IGSF10: variants seen among roughly 807,000 people sequenced by gnomAD.
The protein encoded by IGSF10 is immunoglobulin superfamily member 10, also known as calvaria mechanical force protein 608.
In IGSF10, 126 loss-of-function variants were observed where a neutral mutation model predicts 128.2. The observed-to-expected ratio is 0.98, with a 90% CI of 0.85 to 1.14. IGSF10 has a LOEUF of 1.14. IGSF10 is among the 50% of genes most tolerant of loss of function. The probability of loss-of-function intolerance (pLI) is 0.00; values close to 1 mark genes in which losing one functional copy is unlikely to be tolerated. For missense variants in IGSF10, 3,295 were observed against 3,149.8 expected (o/e 1.05, Z -1.10); for synonymous variants, 1,185 against 1,146.2 (o/e 1.03, Z -0.68).
chr3:151,606,034 A>G, the IGSF10 span, among the ~76,000 whole-genome samples: 11,847 of 152,252 alleles, frequency 0.078, 629 homozygotes, highest in Middle Eastern at 0.15. Flanking sequence ...TCACTATTCT[A>G]TCTGAACCAA....
chr3:151,591,222 A>G, the IGSF10 span, among the ~76,000 whole-genome samples: 8 of 151,518 alleles, frequency 5.3e-5, no homozygotes, highest in African/African-American at 2.0e-4. Flanking sequence ...ATTTTTTTCT[A>G]TAATTTATTT....
the IGSF10 span, chr3:151,499,869 C>T: frequency 2.0e-5 from 3 of 152,110 alleles, no homozygotes; most frequent in Non-Finnish European, 4.4e-5. Flanking sequence ...TGCCATGTTA[C>T]ATGTAAAAGC....
chr3:151,465,254 G>A (rs1052830784), upstream of IGSF10, among the ~76,000 whole-genome samples: 8 of 152,174 alleles, frequency 5.3e-5, no homozygotes, highest in Non-Finnish European at 1.0e-4. Flanking sequence ...AGGAAAGCCA[G>A]GGCTGAAGTA....
the IGSF10 span, among the ~76,000 whole-genome samples, chr3:151,596,473 T>G: frequency 0.55 from 82,374 of 148,618 alleles, 22,504 homozygotes; most frequent in South Asian, 0.66. Flanking sequence ...GATATTATGG[T>G]GTTTATGTGT....
At position 151,446,134 on chromosome 3, in the gene IGSF10, G is replaced by A; in HGVS notation, c.3847C>T (p.Leu1283Phe). ...AAGGGAAGCTCCTTCTTTGTTGGAA[G>A]ACTTCCAGGATTGTGTGTTTTGGTC... is the stretch of plus-strand genomic sequence containing the variant. ...TTTKTHNPGS[L>F]PTKKELPFPP... Residue 1283 changes from leucine to phenylalanine, a missense_variant, in exon 6 of 8, where the codon CTT becomes TTT. Coordinates refer to ENST00000282466, the MANE Select transcript of IGSF10 (RefSeq NM_178822.5). 5 of 1,614,170 alleles carry A rather than the reference G, an allele frequency of 3.1e-6. No individual in the cohort carries two copies. The highest frequency in any genetic ancestry group is 4.2e-6 in the Non-Finnish European group (5 of 1,180,032).
Position 151,448,822 on chromosome 3 carries a change from T to C in IGSF10, c.1159A>G (p.Ile387Val), listed in dbSNP as rs764713270. ...CTAAGCAAGTGGCTCCTTTCTAGTA[T>C]CAGAGGAGAATCACTGTACAAAGCC... ...ILALYSDSPL[I>V]LERSHLLSET... Residue 387 changes from isoleucine to valine, a missense_variant, in exon 6 of 8, where the codon ATA (isoleucine) becomes GTA (valine). Physicochemically the swap from Ile to Val is conservative, Grantham distance 29 (BLOSUM62 3). Coordinates refer to ENST00000282466, the MANE Select transcript of IGSF10 (RefSeq NM_178822.5). 1.2e-6 allele frequency: 2 copies of C among 1,613,512 alleles called. No individual in the cohort carries two copies.
chr3:151,534,015 T>G, the IGSF10 span, among the ~76,000 whole-genome samples: 1 of 152,190 alleles, frequency 6.6e-6, no homozygotes, highest in Admixed American at 6.5e-5. Flanking sequence ...CAGACACTTC[T>G]CAAAAGAAGA....
the IGSF10 span, among the ~76,000 whole-genome samples, chr3:151,467,295 C>A: frequency 6.6e-6 from 1 of 152,144 alleles, no homozygotes; most frequent in Non-Finnish European, 1.5e-5. Context: ...CAAAGTAAGA[C>A]CTGATCAGCC....
At chr3:151,616,181 C>G in the IGSF10 span, among the ~76,000 whole-genome samples, 1 of 151,910 alleles carries the variant, frequency 6.6e-6, no homozygotes, top group African/African-American at 2.4e-5. Flanking sequence ...TCAGGCTGGT[C>G]TCGAACTCCC....
At chr3:151,522,078 A>T in the IGSF10 span, among the ~76,000 whole-genome samples, 1 of 152,014 alleles carries the variant, frequency 6.6e-6, no homozygotes, top group African/African-American at 2.4e-5. Context: ...CACCTTTATG[A>T]ACACAAACTA....
At chr3:151,610,291 A>G in the IGSF10 span, among the ~76,000 whole-genome samples, 1 of 152,184 alleles carries the variant, frequency 6.6e-6, no homozygotes, top group African/African-American at 2.4e-5. Context: ...TTGATAGAAC[A>G]TTTCCTATTC....
the IGSF10 span, among the ~76,000 whole-genome samples, chr3:151,485,817 G>A: frequency 6.6e-6 from 1 of 152,160 alleles, no homozygotes. Flanking sequence ...AACATAGAAA[G>A]GATCAACCGG....
rs370165815 is a variant in IGSF10, at chr3:151,448,504, C to T, written c.1477G>A (p.Val493Ile). Residue 493 changes from valine to isoleucine, a missense_variant, in exon 6 of 8, where the codon GTT becomes ATT. Val to Ile is a conservative substitution (Grantham distance 29, BLOSUM62 3). Coordinates refer to ENST00000282466, the MANE Select transcript of IGSF10 (RefSeq NM_178822.5). ...LEHTVLVGGT[V>I]GLNCPGQGDP... The stretch of plus-strand genomic sequence containing the variant: ...CCTTGGCCTGGGCAGTTCAGGCCAA[C>T]GGTTCCACCTACCAAGACAGTATGT... 4.5e-5 allele frequency: 72 copies of T among 1,614,248 alleles called. No individual in the cohort carries two copies. Among genetic ancestry groups the T allele is most frequent in the Admixed American group, 1.5e-4 (9 of 60,036 alleles).
At chr3:151,468,083 C>G in the IGSF10 span, among the ~76,000 whole-genome samples, 62 of 152,230 alleles carry the variant, frequency 4.1e-4, no homozygotes, top group African/African-American at 1.4e-3. Flanking sequence ...GCTTAAAGTA[C>G]GGCAAGGAGT....
At chr3:151,508,375 T>G in the IGSF10 span, among the ~76,000 whole-genome samples, 1 of 152,144 alleles carries the variant, frequency 6.6e-6, no homozygotes, top group Non-Finnish European at 1.5e-5. Context: ...GGTTCTCTCT[T>G]TTGAACAAAA....
chr3:151,541,231 T>C, the IGSF10 span, among the ~76,000 whole-genome samples: 1 of 152,222 alleles, frequency 6.6e-6, no homozygotes, highest in Admixed American at 6.5e-5. Flanking sequence ...TCCACAGTTA[T>C]CTAAAACATA....
At chr3:151,444,878 T>C (rs777310555) in intron 6 of IGSF10, 41 bp downstream of exon 6, 14 of 1,513,184 alleles carry the variant, frequency 9.3e-6, no homozygotes, top group Non-Finnish European at 1.2e-5. Context: ...TTCTTCTTGT[T>C]TTCTAACAAA....
chr3:151,584,099 A>G, the IGSF10 span, among the ~76,000 whole-genome samples: 1 of 152,212 alleles, frequency 6.6e-6, no homozygotes, highest in Non-Finnish European at 1.5e-5. Flanking sequence ...AAATTGATCA[A>G]TTTTTGTTTT....
the IGSF10 span, among the ~76,000 whole-genome samples, chr3:151,586,839 A>T: frequency 6.6e-6 from 1 of 152,136 alleles, no homozygotes; most frequent in African/African-American, 2.4e-5. Flanking sequence ...TCAAATATAC[A>T]ATGGAATGGC....
Sources: allele counts gnomAD v4.1 joint callset (sites outside exome capture counted in the v4.1 genomes callset), GRCh38; gene constraint gnomAD v4.1.1; transcripts MANE v1.5; gene names NCBI Gene and HGNC (gene_info 2026-07-23, HGNC 2026-07-21).